Variants in SCN2A observed in about 807,000 individuals in gnomAD.
SCN2A encodes sodium channel protein type 2 subunit alpha.
A neutral mutation model predicts 188.7 loss-of-function variants in SCN2A; 20 were observed. That is an observed-to-expected ratio of 0.11 (90% CI 0.07 to 0.15). The LOEUF is 0.15. Among genes scored for constraint, SCN2A ranks in the 10% least tolerant of loss-of-function variants. The pLI is 1.00. For missense variants in SCN2A, 1,278 were observed against 2,445.0 expected (o/e 0.52, Z 10.07); for synonymous variants, 804 against 833.1 (o/e 0.97, Z 0.60).
intron 1 of SCN2A, among the ~76,000 whole-genome samples, chr2:165,283,622 C>A (rs889156060): frequency 6.6e-5 from 10 of 152,106 alleles, no homozygotes; most frequent in African/African-American, 2.2e-4. Flanking sequence ...TACTGGGTCA[C>A]AAATTTGTCT....
intron 1 of SCN2A, among the ~76,000 whole-genome samples, chr2:165,259,558 T>C (rs540166496): frequency 6.6e-6 from 1 of 152,212 alleles, no homozygotes; most frequent in African/African-American, 2.4e-5. Flanking sequence ...TGGGAGTAGA[T>C]TCCATCTCAA....
intron 23 of SCN2A, among the ~76,000 whole-genome samples, chr2:165,378,544 T>C (rs547217051): frequency 6.6e-6 from 1 of 151,890 alleles, no homozygotes; most frequent in Admixed American, 6.6e-5. Flanking sequence ...GTATAGGTGA[T>C]ACTAGCTCTA....
chr2:165,273,629 C>T (rs533827086), intron 1 of SCN2A: 1 of 152,100 alleles, frequency 6.6e-6, no homozygotes, highest in East Asian at 1.9e-4. Flanking sequence ...GTTTGAGAAC[C>T]CAAAATAAAA....
intron 1 of SCN2A, among the ~76,000 whole-genome samples, chr2:165,278,066 A>T (rs1218140282): frequency 1.3e-5 from 2 of 152,186 alleles, no homozygotes; most frequent in Non-Finnish European, 2.9e-5. Flanking sequence ...TGTGCATGGA[A>T]AATGTATTTG....
At chr2:165,374,063 A>C (rs1701186353) in intron 21 of SCN2A, among the ~76,000 whole-genome samples, 1 of 152,126 alleles carries the variant, frequency 6.6e-6, no homozygotes, top group Non-Finnish European at 1.5e-5. Context: ...AACTAAGAAA[A>C]TAGTTACTTA....
Position 165,341,814 on chromosome 2 carries a change from A to C in SCN2A, c.2389-482A>C, listed in dbSNP as rs551632731. On this transcript the variant is annotated intron_variant, in intron 14 of 26. Transcript: ENST00000375437. The stretch of plus-strand genomic sequence containing the variant: ...AATACTGCTTCCCTTTCGCCAACAA[A>C]AGGAAATTTTTTTAAGAGTTCTTAC... Among the ~76,000 whole-genome samples the C allele has an allele frequency of 8.5e-5, 13 of 152,304 alleles. No individual in the cohort carries two copies. The South Asian group carries it at 1.7e-3, about 19-fold the overall frequency.
rs1702096279 is a variant in SCN2A at position 165,390,795 on chromosome 2, A to C, written c.*971A>C. The C allele has an allele frequency of 6.6e-6, 1 of 152,502 alleles. No individual in the cohort carries two copies. Among genetic ancestry groups the C allele is most frequent in the Non-Finnish European group, 1.5e-5 (1 of 67,998 alleles). 9.4% of individuals were successfully genotyped at this position (152,502 alleles called of 1,614,324 possible). A position where few individuals can be genotyped will look rare whatever the true frequency, so the allele number is the denominator to read the frequency against. On this transcript the variant is annotated 3_prime_UTR_variant, in exon 27 of 27. Transcript: ENST00000375437. ...CCTTTCTAAGAAGCCTGAATTGACC[A>C]AAAAACATCCCCACCACCACTTTAT...
At chr2:165,264,585 G>A (rs549009816) in intron 1 of SCN2A, among the ~76,000 whole-genome samples, 26 of 152,108 alleles carry the variant, frequency 1.7e-4, no homozygotes, top group East Asian at 1.9e-4. Context: ...GTATCCATTC[G>A]TTATTTTTCC....
intron 18 of SCN2A, among the ~76,000 whole-genome samples, chr2:165,365,938 T>C (rs1206900306): frequency 1.3e-5 from 2 of 152,164 alleles, no homozygotes; most frequent in African/African-American, 4.8e-5. Flanking sequence ...AGCAATGCTG[T>C]GTATCAAACC....
intron 17 of SCN2A, among the ~76,000 whole-genome samples, chr2:165,360,596 C>CT (rs766390814): frequency 6.6e-6 from 1 of 151,728 alleles, no homozygotes; most frequent in African/African-American, 2.4e-5. Context: ...ATTGCCAATG[C>CT]TTTTTTTCAG....
intron 16 of SCN2A, among the ~76,000 whole-genome samples, chr2:165,347,379 G>A (rs570384195): frequency 1.3e-5 from 2 of 152,112 alleles, no homozygotes; most frequent in African/African-American, 4.8e-5. Context: ...ACTCATAAGT[G>A]GGAGTTGAAC....
rs1479669739 is a variant in SCN2A at position 165,285,073 on chromosome 2, T to C, written c.-51-10700T>C. Among the ~76,000 whole-genome samples the C allele has an allele frequency of 3.3e-5, 5 of 152,226 alleles. No homozygotes were observed. In the East Asian group the frequency reaches 9.6e-4, roughly 29 times the overall value. On this transcript the variant is annotated intron_variant, in intron 1 of 26. Coordinates refer to ENST00000375437, the MANE Select transcript of SCN2A (RefSeq NM_001040142.2). ...GATTATCTATACACTGAATCATATTTCCCAGAGATCATCATAGTAAGATTG... is the reference window on the plus strand; with the variant it reads ...GATTATCTATACACTGAATCATATTCCCCAGAGATCATCATAGTAAGATTG...
chr2:165,252,378 A>T (rs572671354), intron 1 of SCN2A, among the ~76,000 whole-genome samples: 7 of 152,186 alleles, frequency 4.6e-5, no homozygotes, highest in African/African-American at 1.7e-4. Flanking sequence ...GTCTATCCTC[A>T]TGTTCAGTTA....
intron 17 of SCN2A, among the ~76,000 whole-genome samples, chr2:165,361,739 G>C (rs979425752): frequency 2.6e-5 from 4 of 151,986 alleles, no homozygotes; most frequent in African/African-American, 9.7e-5. Flanking sequence ...TTCATCACTG[G>C]AGCTATAGAT....
At chr2:165,292,050 C>T (rs1039480817) in intron 1 of SCN2A, among the ~76,000 whole-genome samples, 2 of 152,072 alleles carry the variant, frequency 1.3e-5, no homozygotes, top group African/African-American at 4.8e-5. Context: ...AGAGAAGAAT[C>T]TTTAGGAAAC....
intron 26 of SCN2A, among the ~76,000 whole-genome samples, chr2:165,388,072 A>T (rs1397430039): frequency 1.3e-5 from 2 of 152,126 alleles, no homozygotes; most frequent in African/African-American, 4.8e-5. Context: ...GACTTAGTAA[A>T]TGTTCAGTTT....
chr2:165,345,300 A>G (rs1699515379), intron 16 of SCN2A, among the ~76,000 whole-genome samples: 1 of 152,224 alleles, frequency 6.6e-6, no homozygotes, highest in Non-Finnish European at 1.5e-5. Flanking sequence ...ATCTCAGTTT[A>G]TTAAGAGCTC....
intron 23 of SCN2A, 125 bp downstream of exon 23, chr2:165,377,775 A>C: frequency 1.4e-6 from 1 of 702,146 alleles, no homozygotes; most frequent in Non-Finnish European, 2.3e-6. Context: ...TCTATATTAT[A>C]AGGATAAAAT....
chr2:165,388,051 C>T (rs1380348080), intron 26 of SCN2A, among the ~76,000 whole-genome samples: 2 of 152,068 alleles, frequency 1.3e-5, no homozygotes, highest in African/African-American at 4.8e-5. Flanking sequence ...CTGTGCCTAG[C>T]ATGAAGAAAA....
Sources: gnomAD v4.1 joint callset for allele counts (sites outside exome capture counted in the v4.1 genomes callset) on GRCh38, gnomAD v4.1.1 for gene constraint, MANE v1.5 for transcripts, NCBI Gene and HGNC (gene_info 2026-07-23, HGNC 2026-07-21) for gene names.